PRSS55: variants seen among roughly 807,000 people sequenced by gnomAD.
PRSS55 encodes serine protease 55.
A neutral mutation model predicts 23.6 loss-of-function variants in PRSS55; 41 were observed. The ratio of observed to expected loss-of-function variants is 1.74; its 90% CI spans 1.35 to 2.26. The LOEUF (loss-of-function observed/expected upper bound fraction) is 2.26, where lower values mean the gene tolerates loss of function less well. Among genes scored for constraint, PRSS55 ranks in the 30% most tolerant of loss-of-function variants. The pLI, the probability that PRSS55 is intolerant of heterozygous loss-of-function variation, is 0.00. For missense variants in PRSS55, 669 were observed against 439.1 expected (o/e 1.52, Z -4.68); for synonymous variants, 262 against 175.5 (o/e 1.49, Z -3.90).
chr8:10,547,958 A>T (rs1333739818), intron 4 of PRSS55, among the ~76,000 whole-genome samples: 2 of 139,900 alleles, frequency 1.4e-5, no homozygotes, highest in Non-Finnish European at 3.2e-5. Context: ...AGAGGAGAAC[A>T]GGGAAGAAGG....
At chr8:10,542,625 T>C (rs1222110500), downstream of PRSS55, among the ~76,000 whole-genome samples, 1 of 151,870 alleles carries the variant, frequency 6.6e-6, no homozygotes, top group Admixed American at 6.6e-5. Context: ...CCCAGCACTT[T>C]GGGAGGCTGA....
intron 4 of PRSS55, among the ~76,000 whole-genome samples, chr8:10,536,287 A>G (rs1408900568): frequency 6.6e-6 from 1 of 152,250 alleles, no homozygotes; most frequent in East Asian, 1.9e-4. Context: ...TAATTATTAG[A>G]GAAATGCAAA....
chr8:10,543,415 T>TTTCTTTTC (rs1491297830), downstream of PRSS55, among the ~76,000 whole-genome samples: 2 of 37,798 alleles, frequency 5.3e-5, no homozygotes, highest in Non-Finnish European at 1.4e-4. Context: ...CTTTCTTTCT[T>TTTCTTTTC]CTTTCTTTCT....
chr8:10,526,542 C>T (rs1446613553), intron 1 of PRSS55, among the ~76,000 whole-genome samples: 1 of 152,214 alleles, frequency 6.6e-6, no homozygotes, highest in Non-Finnish European at 1.5e-5. Context: ...GAATATGCTC[C>T]TCTAATGCGT....
intron 4 of PRSS55, among the ~76,000 whole-genome samples, chr8:10,552,030 T>C (rs948717312): frequency 2.6e-5 from 4 of 152,212 alleles, no homozygotes; most frequent in African/African-American, 9.7e-5. Context: ...CGGAAGTTAC[T>C]GGGGAAAGGG....
chr8:10,542,419 G>GGAAAAA (rs60800512), downstream of PRSS55, among the ~76,000 whole-genome samples: 1 of 133,500 alleles, frequency 7.5e-6, no homozygotes. Context: ...CCATGCGGGG[G>GGAAAAA]AAAAAAAAAA....
chr8:10,538,108 CCTTT>C (rs1167423484), intron 4 of PRSS55, among the ~76,000 whole-genome samples: 11 of 152,166 alleles, frequency 7.2e-5, no homozygotes, highest in Admixed American at 7.2e-4. Flanking sequence ...CCTTTCCTGC[CCTTT>C]CCAGAGCCTC....
At chr8:10,534,885 A>C (rs1812402304) in intron 4 of PRSS55, among the ~76,000 whole-genome samples, 2 of 152,240 alleles carry the variant, frequency 1.3e-5, no homozygotes. Context: ...ATACAAAATC[A>C]ATGTACAAAA....
downstream of PRSS55, chr8:10,541,055 T>A (rs1365968520): frequency 1.3e-5 from 2 of 152,474 alleles, no homozygotes; most frequent in African/African-American, 4.8e-5. Flanking sequence ...AGAAGGACAT[T>A]GATTTTGGCC....
chr8:10,538,494 C>T lies in PRSS55; in HGVS notation c.760C>T (p.Leu254=). 6.2e-7 allele frequency: 1 copy of T among 1,613,374 alleles called. No homozygotes were observed. Among genetic ancestry groups the T allele is most frequent in the Non-Finnish European group, 8.5e-7 (1 of 1,179,734 alleles). The change falls in exon 5 of 5, where the codon CTG becomes TTG. Residue 254 remains leucine, a synonymous_variant. Transcript: ENST00000328655. ...DACKGDSGGP[L]VCTPEPGEKW... is the part of the protein sequence containing the mutation. ...CCCACAGGGTGACAGTGGGGGGCCT[C>T]TGGTCTGCACCCCAGAGCCTGGTGA...
chr8:10,528,112 T>G (rs372456036), intron 1 of PRSS55, among the ~76,000 whole-genome samples: 1 of 151,782 alleles, frequency 6.6e-6, no homozygotes, highest in Non-Finnish European at 1.5e-5. Flanking sequence ...GGCAGGAGGA[T>G]TGCTTGAACC....
chr8:10,551,594 G>A (rs780180898), intron 4 of PRSS55, among the ~76,000 whole-genome samples: 12 of 152,182 alleles, frequency 7.9e-5, no homozygotes, highest in Non-Finnish European at 1.6e-4. Flanking sequence ...GCGAGGTAGG[G>A]GCACCCCACA....
Position 10,531,012 on chromosome 8 carries a change from C to T in PRSS55, c.348-283C>T, listed in dbSNP as rs575347213. Among the ~76,000 whole-genome samples, 9 of 152,282 alleles carry T rather than the reference C, an allele frequency of 5.9e-5. No homozygotes were observed. In the South Asian group the frequency reaches 1.5e-3, roughly 25 times the overall value. ...TGTGTAGAGTGCTCTAAACCCAGCT[C>T]GGCCTTTGCTGTATTAGACAGAAGC... On this transcript the variant is annotated intron_variant, in intron 2 of 4. Transcript: ENST00000328655.
At chr8:10,532,526 G>A (rs931243948) in intron 3 of PRSS55, among the ~76,000 whole-genome samples, 1 of 152,206 alleles carries the variant, frequency 6.6e-6, no homozygotes, top group African/African-American at 2.4e-5. Context: ...AAGGCCCTGT[G>A]TGAAGGAAAT....
At chr8:10,534,875 A>C (rs1233651996) in intron 4 of PRSS55, among the ~76,000 whole-genome samples, 1 of 152,206 alleles carries the variant, frequency 6.6e-6, no homozygotes, top group Non-Finnish European at 1.5e-5. Context: ...AAGTTTCGGG[A>C]TACAAAATCA....
chr8:10,550,721 A>C (rs1251733636), intron 4 of PRSS55, among the ~76,000 whole-genome samples: 1 of 152,056 alleles, frequency 6.6e-6, no homozygotes, highest in Non-Finnish European at 1.5e-5. Context: ...CTTGGTTTTT[A>C]CTGTATCAGC....
rs551550889 is a variant in PRSS55 at position 10,525,844 on chromosome 8, C to T, written c.154+105C>T. 46 of 1,199,946 alleles carry T rather than the reference C, an allele frequency of 3.8e-5. 2 individuals carry two copies. In the South Asian group the frequency reaches 5.4e-4, roughly 14 times the overall value. The allele number at this position is 1,199,946 out of a possible 1,614,324, so 74.3% of individuals were successfully genotyped here. On this transcript the variant is annotated intron_variant, in intron 1 of 4. Transcript: ENST00000328655. Reference sequence around the variant, plus strand: ...ACAAGGCCAGAGCTCCAGGGCTCCCCACATACCCCTTCTCCAAACCACTTG... The same window carrying T: ...ACAAGGCCAGAGCTCCAGGGCTCCCTACATACCCCTTCTCCAAACCACTTG...
At chr8:10,534,854 C>A (rs1812398923) in intron 4 of PRSS55, among the ~76,000 whole-genome samples, 1 of 152,180 alleles carries the variant, frequency 6.6e-6, no homozygotes, top group South Asian at 2.1e-4. Context: ...AGCTGATAAG[C>A]AACTTCAGCA....
At chr8:10,548,193 G>C (rs1183523927) in intron 4 of PRSS55, among the ~76,000 whole-genome samples, 1 of 152,176 alleles carries the variant, frequency 6.6e-6, no homozygotes, top group African/African-American at 2.4e-5. Context: ...CAGGCAGCGA[G>C]CGCTCAGGTG....
Sources: allele counts gnomAD v4.1 joint callset (sites outside exome capture counted in the v4.1 genomes callset), GRCh38; gene constraint gnomAD v4.1.1; transcripts MANE v1.5; gene names NCBI Gene and HGNC (gene_info 2026-07-23, HGNC 2026-07-21).